Variants in KCNMB4 observed in about 807,000 individuals in gnomAD.
KCNMB4 encodes the protein potassium calcium-activated channel subfamily M regulatory beta subunit 4.
In KCNMB4, 3 loss-of-function variants were observed where a neutral mutation model predicts 20.7. The observed-to-expected ratio is 0.14, with a 90% CI of 0.07 to 0.37. The LOEUF (loss-of-function observed/expected upper bound fraction) is 0.37, where lower values mean the gene tolerates loss of function less well. Ranked by LOEUF, KCNMB4 falls within the 10% of genes least tolerant of loss-of-function variation. The pLI is 1.00. For missense variants in KCNMB4, 168 were observed against 265.9 expected, an observed-to-expected ratio of 0.63 and a Z score of 2.56; for synonymous variants, 110 against 113.4, an observed-to-expected ratio of 0.97 and a Z score of 0.19.
At chr12:70,388,586 TTTTGA>T (rs1390539548) in intron 1 of KCNMB4, among the ~76,000 whole-genome samples, 3 of 152,192 alleles carry the variant, frequency 2.0e-5, no homozygotes, top group Non-Finnish European at 2.9e-5. Flanking sequence ...CTCATTGTAG[TTTTGA>T]TTTGCATTTC....
intron 1 of KCNMB4, among the ~76,000 whole-genome samples, chr12:70,396,498 G>A (rs1340839890): frequency 6.6e-6 from 1 of 152,090 alleles, no homozygotes; most frequent in African/African-American, 2.4e-5. Context: ...TAGAGATGGG[G>A]TTTTACCCTG....
intron 2 of KCNMB4, among the ~76,000 whole-genome samples, chr12:70,418,716 A>G (rs1868974433): frequency 6.6e-6 from 1 of 152,110 alleles, no homozygotes; most frequent in Non-Finnish European, 1.5e-5. Flanking sequence ...ATCTGTGCAC[A>G]TTGTACCCAG....
intron 1 of KCNMB4, among the ~76,000 whole-genome samples, chr12:70,396,358 G>A (rs1868350993): frequency 6.6e-6 from 1 of 152,208 alleles, no homozygotes; most frequent in Non-Finnish European, 1.5e-5. Context: ...AAGCTGGAGT[G>A]CAAGTGGTAT....
At chr12:70,409,309 A>C (rs1868702009) in intron 2 of KCNMB4, among the ~76,000 whole-genome samples, 1 of 152,152 alleles carries the variant, frequency 6.6e-6, no homozygotes, top group East Asian at 1.9e-4. Context: ...GGCATCCTCA[A>C]CTAGTCTGTC....
chr12:70,418,691 T>C (rs149801686), intron 2 of KCNMB4, among the ~76,000 whole-genome samples: 5 of 152,306 alleles, frequency 3.3e-5, no homozygotes, highest in Non-Finnish European at 7.4e-5. Flanking sequence ...GACCTCCTTT[T>C]AAATGCCATA....
intron 1 of KCNMB4, among the ~76,000 whole-genome samples, chr12:70,389,685 C>A (rs1056555564): frequency 2.0e-5 from 3 of 152,078 alleles, no homozygotes; most frequent in African/African-American, 4.8e-5. Flanking sequence ...CAGAGTGAGA[C>A]CCTGTGTCAA....
At chr12:70,402,730 G>C (rs1319960853) in intron 2 of KCNMB4, among the ~76,000 whole-genome samples, 2 of 151,450 alleles carry the variant, frequency 1.3e-5, no homozygotes, top group African/African-American at 4.9e-5. Flanking sequence ...ACGGATGTCA[G>C]GGTTGTTTGA....
intron 2 of KCNMB4, among the ~76,000 whole-genome samples, chr12:70,404,754 C>T (rs1868548886): frequency 6.6e-6 from 1 of 152,166 alleles, no homozygotes; most frequent in Non-Finnish European, 1.5e-5. Flanking sequence ...CAGTCTAGCT[C>T]TGAGTATGCT....
chr12:70,424,442 G>GA (rs35459349), intron 2 of KCNMB4, among the ~76,000 whole-genome samples: 95,190 of 135,676 alleles, frequency 0.7, 33,380 homozygotes, highest in East Asian at 0.83. Flanking sequence ...CTCCATCTCA[G>GA]AAAAAAAAAA....
At position 70,366,606 on chromosome 12, in the gene KCNMB4, GCCCACTC is replaced by G; in HGVS notation, c.-125_-119del. 1.8e-6 allele frequency: 1 copy of G among 557,758 alleles called. No homozygotes were observed. The highest frequency in any genetic ancestry group is 2.5e-6 in the Non-Finnish European group (1 of 397,240). 34.6% of individuals were successfully genotyped at this position (557,758 alleles called of 1,614,324 possible). On this transcript the variant is annotated 5_prime_UTR_variant, in exon 1 of 3. Transcript: ENST00000258111. ...TTGTTCTCGCGCGCTCCCCCTCGCC[GCCCACTC>G]CCCTGCTGTCGCGCGGCGGCGGCGG...
chr12:70,376,039 C>T (rs935441663), intron 1 of KCNMB4, among the ~76,000 whole-genome samples: 3 of 151,088 alleles, frequency 2.0e-5, no homozygotes, highest in South Asian at 2.1e-4. Flanking sequence ...TTTGGTTCAA[C>T]GTGCTAAAAC....
chr12:70,422,837 A>G (rs1342592805), intron 2 of KCNMB4: 2 of 1,243,082 alleles, frequency 1.6e-6, no homozygotes, highest in Non-Finnish European at 1.0e-6. Context: ...ATAAAAAATA[A>G]TTACCACACA....
chr12:70,428,801 C>T (rs1280049655), intron 2 of KCNMB4, among the ~76,000 whole-genome samples: 2 of 152,282 alleles, frequency 1.3e-5, no homozygotes, highest in East Asian at 3.9e-4. Flanking sequence ...AATGTATACA[C>T]ATATACTAAT....
chr12:70,376,793 T>C (rs1883694931), intron 1 of KCNMB4, among the ~76,000 whole-genome samples: 1 of 150,540 alleles, frequency 6.6e-6, no homozygotes, highest in Non-Finnish European at 1.5e-5. Flanking sequence ...GATCACTTGA[T>C]CCTGGGAGAT....
intron 1 of KCNMB4, among the ~76,000 whole-genome samples, chr12:70,377,300 A>G (rs545988060): frequency 6.6e-6 from 1 of 152,346 alleles, no homozygotes; most frequent in East Asian, 1.9e-4. Flanking sequence ...GTTCCAGACC[A>G]CTTCAACAAA....
At chr12:70,393,832 T>C (rs1345935630) in intron 1 of KCNMB4, among the ~76,000 whole-genome samples, 1 of 98,318 alleles carries the variant, frequency 1.0e-5, no homozygotes, top group Non-Finnish European at 1.9e-5. Context: ...CTATGCCCCT[T>C]GTCCTCCAAG....
intron 1 of KCNMB4, among the ~76,000 whole-genome samples, chr12:70,372,416 G>A (rs1883614402): frequency 6.6e-6 from 1 of 152,252 alleles, no homozygotes; most frequent in Non-Finnish European, 1.5e-5. Context: ...GACTTGTGCA[G>A]TGAGAGGTGC....
chr12:70,399,881 C>T (rs1002181252), intron 1 of KCNMB4, among the ~76,000 whole-genome samples: 3 of 152,122 alleles, frequency 2.0e-5, no homozygotes, highest in Non-Finnish European at 2.9e-5. Context: ...TTATGCCTCC[C>T]TCTGTTGACG....
chr12:70,367,205 C>T (rs1038488826), intron 1 of KCNMB4, 135 bp downstream of exon 1: 6 of 648,164 alleles, frequency 9.3e-6, no homozygotes, highest in Non-Finnish European at 1.5e-5. Context: ...AGGCTGTGCT[C>T]AAACCAGGAA....
Sources: gnomAD v4.1 joint callset for allele counts (sites outside exome capture counted in the v4.1 genomes callset) on GRCh38, gnomAD v4.1.1 for gene constraint, MANE v1.5 for transcripts, NCBI Gene and HGNC (gene_info 2026-07-23, HGNC 2026-07-21) for gene names.